SDHAF3: variants seen among roughly 807,000 people sequenced by gnomAD.
The protein encoded by SDHAF3 is succinate dehydrogenase assembly factor 3, mitochondrial.
In SDHAF3, 18 loss-of-function variants were observed where a neutral mutation model predicts 11.5. The ratio of observed to expected loss-of-function variants is 1.56; its 90% CI spans 1.08 to 2.32. The LOEUF is 2.32. Among genes scored for constraint, SDHAF3 ranks in the 30% most tolerant of loss-of-function variants. The probability of loss-of-function intolerance (pLI) is 0.00; values close to 1 mark genes in which losing one functional copy is unlikely to be tolerated. For missense variants in SDHAF3, 200 were observed against 154.4 expected (o/e 1.30, Z -1.57); for synonymous variants, 72 against 59.3 (o/e 1.21, Z -0.99).
intron 1 of SDHAF3, among the ~76,000 whole-genome samples, chr7:97,140,471 G>A (rs1041474135): frequency 4.7e-5 from 7 of 150,394 alleles, no homozygotes; most frequent in Non-Finnish European, 1.0e-4. Flanking sequence ...TCAGCCTCCT[G>A]AGTAGCTGGG....
chr7:97,177,419 G>A (rs1789694613), intron 1 of SDHAF3, among the ~76,000 whole-genome samples: 1 of 151,958 alleles, frequency 6.6e-6, no homozygotes, highest in Non-Finnish European at 1.5e-5. Context: ...GGAGAATTGT[G>A]TGAACCCGGG....
At chr7:97,166,861 G>A (rs1789513637) in intron 1 of SDHAF3, among the ~76,000 whole-genome samples, 1 of 152,136 alleles carries the variant, frequency 6.6e-6, no homozygotes, top group African/African-American at 2.4e-5. Flanking sequence ...AATAATAATT[G>A]CTGTCTAAAA....
chr7:97,137,086 A>G (rs1201200369), intron 1 of SDHAF3, among the ~76,000 whole-genome samples: 2 of 152,116 alleles, frequency 1.3e-5, no homozygotes, highest in Non-Finnish European at 2.9e-5. Flanking sequence ...TATTTATTAT[A>G]TTCTTTCTTT....
intron 1 of SDHAF3, among the ~76,000 whole-genome samples, chr7:97,127,381 G>A (rs917527599): frequency 6.6e-6 from 1 of 152,268 alleles, no homozygotes; most frequent in Non-Finnish European, 1.5e-5. Flanking sequence ...TGATAATTTA[G>A]TTATTATAAC....
chr7:97,124,143 A>C (rs1791540086), intron 1 of SDHAF3, among the ~76,000 whole-genome samples: 1 of 152,180 alleles, frequency 6.6e-6, no homozygotes, highest in African/African-American at 2.4e-5. Context: ...TTTACGATTA[A>C]GTCTTTAATC....
intron 1 of SDHAF3, among the ~76,000 whole-genome samples, chr7:97,121,255 C>T (rs1252430245): frequency 6.6e-6 from 1 of 152,200 alleles, no homozygotes; most frequent in Non-Finnish European, 1.5e-5. Context: ...CTATTTTTCT[C>T]TCTGTGCCTA....
At chr7:97,129,824 G>A (rs1482951525) in intron 1 of SDHAF3, among the ~76,000 whole-genome samples, 3 of 152,104 alleles carry the variant, frequency 2.0e-5, no homozygotes, top group South Asian at 2.1e-4. Flanking sequence ...TGCTGAGGGC[G>A]AGCCAGGCAC....
Position 97,151,503 on chromosome 7 carries a change from C to T in SDHAF3, c.175-29509C>T, listed in dbSNP as rs544706035. On this transcript the variant is annotated intron_variant, in intron 1 of 1. Transcript: ENST00000432641. The stretch of plus-strand genomic sequence containing the variant: ...TGGGTGAGGTTGCTAACCTTTAGTC[C>T]TTTTTTTTTTTTTGAGTTGGAGTCT... Among the ~76,000 whole-genome samples, 108 of 141,158 alleles carry T rather than the reference C, an allele frequency of 7.7e-4. No individual in the cohort carries two copies. In the East Asian group the frequency reaches 0.011, roughly 14 times the overall value. The allele number at this position is 141,158 out of a possible 152,430, so 92.6% of individuals were successfully genotyped here. A position where few individuals can be genotyped will look rare whatever the true frequency, so the allele number is the denominator to read the frequency against.
rs1164530128 is a variant in SDHAF3 at position 97,179,083 on chromosome 7, G to A, written c.175-1929G>A. Among the ~76,000 whole-genome samples, 3 of 152,128 alleles carry A rather than the reference G, an allele frequency of 2.0e-5. No individual in the cohort carries two copies. In the South Asian group the frequency reaches 6.2e-4, roughly 31 times the overall value. ...AAATTCAGTTTTCCCAGCACCAGTT[G>A]TTGCCTAGATTATTCTTTCCTCCAC... On this transcript the variant is annotated intron_variant, in intron 1 of 1. Coordinates refer to ENST00000432641, the MANE Select transcript of SDHAF3 (RefSeq NM_020186.3).
chr7:97,131,705 G>C (rs1046453441), intron 1 of SDHAF3, among the ~76,000 whole-genome samples: 1 of 152,036 alleles, frequency 6.6e-6, no homozygotes, highest in East Asian at 1.9e-4. Context: ...TATGTGATTG[G>C]TCACATTAAT....
chr7:97,130,808 G>C (rs140451654), intron 1 of SDHAF3, among the ~76,000 whole-genome samples: 267 of 152,314 alleles, frequency 1.8e-3, no homozygotes, highest in African/African-American at 6.0e-3. Flanking sequence ...TACCTGAAGG[G>C]GGATAGTCTC....
chr7:97,131,184 G>T (rs1167548336), intron 1 of SDHAF3, among the ~76,000 whole-genome samples: 1 of 152,150 alleles, frequency 6.6e-6, no homozygotes, highest in African/African-American at 2.4e-5. Context: ...GCTGTAAGAT[G>T]ATTACAGATT....
chr7:97,128,449 T>C (rs1054022616), intron 1 of SDHAF3, among the ~76,000 whole-genome samples: 11 of 152,174 alleles, frequency 7.2e-5, no homozygotes, highest in Middle Eastern at 3.2e-3. Context: ...GACTTTATGG[T>C]ATGTTACTGG....
intron 1 of SDHAF3, among the ~76,000 whole-genome samples, chr7:97,163,268 A>G (rs925018129): frequency 2.0e-5 from 3 of 150,088 alleles, no homozygotes; most frequent in Non-Finnish European, 4.4e-5. Flanking sequence ...CAGCCTCCCA[A>G]GTAGCTGGGA....
chr7:97,124,400 G>A (rs1791544455), intron 1 of SDHAF3, among the ~76,000 whole-genome samples: 1 of 152,130 alleles, frequency 6.6e-6, no homozygotes, highest in African/African-American at 2.4e-5. Flanking sequence ...CTGTAACCTT[G>A]TAGTAATAGT....
At chr7:97,135,264 T>C (rs1791733370) in intron 1 of SDHAF3, 2 of 152,208 alleles carry the variant, frequency 1.3e-5, no homozygotes, top group African/African-American at 4.8e-5. Flanking sequence ...TTTGTGGATT[T>C]GTTCTTAGGA....
intron 1 of SDHAF3, among the ~76,000 whole-genome samples, chr7:97,180,509 G>T (rs184870491): frequency 6.6e-6 from 1 of 152,170 alleles, no homozygotes; most frequent in Non-Finnish European, 1.5e-5. Flanking sequence ...CTCCCTGGGT[G>T]ACAGGACCTG....
chr7:97,178,619 T>C (rs751599542), intron 1 of SDHAF3, among the ~76,000 whole-genome samples: 9 of 152,200 alleles, frequency 5.9e-5, no homozygotes, highest in Non-Finnish European at 1.2e-4. Flanking sequence ...TGGCAAATGA[T>C]TTTGACCATC....
At chr7:97,147,864 G>A (rs917261985) in intron 1 of SDHAF3, among the ~76,000 whole-genome samples, 7 of 151,996 alleles carry the variant, frequency 4.6e-5, no homozygotes, top group Admixed American at 3.3e-4. Flanking sequence ...TGTTATCACT[G>A]TAAAAAATAA....
Sources: gnomAD v4.1 joint callset for allele counts (sites outside exome capture counted in the v4.1 genomes callset) on GRCh38, gnomAD v4.1.1 for gene constraint, MANE v1.5 for transcripts, NCBI Gene and HGNC (gene_info 2026-07-23, HGNC 2026-07-21) for gene names.